The following CDK19 variants were observed in gnomAD, a reference collection of about 807,000 sequenced individuals.
The protein encoded by CDK19 is cyclin dependent kinase 19.
CDK19 carries 20 observed loss-of-function variants against 68.3 expected under a neutral mutation model. That is an observed-to-expected ratio of 0.29 (90% CI 0.21 to 0.43). The LOEUF is 0.43. Among genes scored for constraint, CDK19 ranks in the 20% least tolerant of loss-of-function variants. CDK19 has a pLI of 1.00. For synonymous variants in CDK19, 221 were observed against 222.8 expected (o/e 0.99, Z 0.07); for missense variants, 339 against 623.5 (o/e 0.54, Z 4.86).
At chr6:110,728,370 G>A (rs187755915) in intron 2 of CDK19, among the ~76,000 whole-genome samples, 58 of 151,758 alleles carry the variant, frequency 3.8e-4, no homozygotes, top group African/African-American at 1.4e-3. Context: ...CAGAAAAAAC[G>A]GAAATCTTTG....
chr6:110,714,666 C>T (rs1396183374), intron 2 of CDK19, among the ~76,000 whole-genome samples: 1 of 150,824 alleles, frequency 6.6e-6, no homozygotes, highest in Non-Finnish European at 1.5e-5. Context: ...TGACGTTGAG[C>T]ATCTTTTCAT....
At chr6:110,620,183 T>G (rs1209556570) in intron 12 of CDK19, among the ~76,000 whole-genome samples, 1 of 152,118 alleles carries the variant, frequency 6.6e-6, no homozygotes, top group Non-Finnish European at 1.5e-5. Context: ...GGAAACACAT[T>G]AGTTTGTTGA....
At chr6:110,644,164 T>C (rs1780388063) in intron 4 of CDK19, among the ~76,000 whole-genome samples, 1 of 151,736 alleles carries the variant, frequency 6.6e-6, no homozygotes, top group Non-Finnish European at 1.5e-5. Flanking sequence ...TGATGGCCCG[T>C]GCCTGTAGTC....
chr6:110,678,603 T>G (rs1771731198), intron 2 of CDK19, among the ~76,000 whole-genome samples: 1 of 152,224 alleles, frequency 6.6e-6, no homozygotes, highest in Non-Finnish European at 1.5e-5. Context: ...CTGCAAGTAC[T>G]AACACTTTCA....
rs976192340 is a variant in CDK19, at chr6:110,646,799, G to A, written c.457-8093C>T. On this transcript the variant is annotated intron_variant, in intron 4 of 12. Coordinates refer to ENST00000368911, the MANE Select transcript of CDK19 (RefSeq NM_015076.5). ...CGTCTGACTCATCGTGGGGTGGCGG[G>A]CAAACCTTGGAAGGCAGCAGTGTTT... Among the ~76,000 whole-genome samples, 7 of 152,156 alleles carry A rather than the reference G, an allele frequency of 4.6e-5. No homozygotes were observed. The South Asian group carries it at 8.3e-4, about 18-fold the overall frequency.
At chr6:110,722,358 T>C (rs1775962564) in intron 2 of CDK19, 1 of 152,006 alleles carries the variant, frequency 6.6e-6, no homozygotes, top group South Asian at 2.1e-4. Flanking sequence ...CCTATACTTA[T>C]TTAAAGTAAG....
chr6:110,641,720 T>C (rs1315953879), intron 4 of CDK19, among the ~76,000 whole-genome samples: 1 of 150,140 alleles, frequency 6.7e-6, no homozygotes, highest in African/African-American at 2.5e-5. Context: ...ATGAAAACTA[T>C]CAATATAGAA....
rs199946655 is a variant in CDK19 at position 110,715,381 on chromosome 6, G to A, written c.204+30745C>T. ...TTCTGAACACTCCTATATTTAAGGC[G>A]CTATATGGGGCTTTGTTTAAATATT... On this transcript the variant is annotated intron_variant, in intron 2 of 12. Transcript: ENST00000368911. Among the ~76,000 whole-genome samples the A allele has an allele frequency of 3.3e-5, 5 of 152,170 alleles. 1 individual carries two copies. In the East Asian group the frequency reaches 9.6e-4, roughly 29 times the overall value.
chr6:110,644,812 CA>C (rs1413649447), intron 4 of CDK19, among the ~76,000 whole-genome samples: 1 of 150,134 alleles, frequency 6.7e-6, no homozygotes, highest in Non-Finnish European at 1.5e-5. Context: ...GGAGGGGAGG[CA>C]GGGGGGAAGA....
At chr6:110,746,024 A>T in intron 2 of CDK19, 102 bp downstream of exon 2, 1 of 523,278 alleles carries the variant, frequency 1.9e-6, no homozygotes, top group Admixed American at 3.7e-5. Context: ...TAACATATGT[A>T]AAATAAACAT....
intron 1 of CDK19, chr6:110,814,714 G>A (rs1423493504): frequency 5.1e-6 from 3 of 590,118 alleles, no homozygotes; most frequent in East Asian, 3.8e-5. Context: ...CTCCTCCACC[G>A]CGGTCCCAAC....
intron 2 of CDK19, among the ~76,000 whole-genome samples, chr6:110,688,247 A>G (rs578014213): frequency 3.9e-4 from 59 of 152,138 alleles, no homozygotes; most frequent in Non-Finnish European, 3.4e-4. Flanking sequence ...TTAGCCAGGC[A>G]TGAATCACCT....
intron 1 of CDK19, among the ~76,000 whole-genome samples, chr6:110,768,096 C>A (rs1347246286): frequency 6.6e-6 from 1 of 152,088 alleles, no homozygotes; most frequent in Non-Finnish European, 1.5e-5. Flanking sequence ...AAGATCTGAA[C>A]AGACACCTCA....
chr6:110,695,342 G>A (rs535784434), intron 2 of CDK19, among the ~76,000 whole-genome samples: 2 of 152,146 alleles, frequency 1.3e-5, no homozygotes, highest in South Asian at 2.1e-4. Context: ...AAACCTCTGG[G>A]ATACAGAAAA....
chr6:110,731,120 GAAAAGAAAAGAAAAGAA>G (rs892642410), intron 2 of CDK19, among the ~76,000 whole-genome samples: 17 of 106,748 alleles, frequency 1.6e-4, no homozygotes, highest in East Asian at 8.4e-4. Context: ...GAAAGGAAAA[GAAAAGAAAAGAAAAGAA>G]AAAAGAAAAG....
intron 4 of CDK19, among the ~76,000 whole-genome samples, chr6:110,648,229 G>T (rs1780731840): frequency 6.6e-6 from 1 of 152,202 alleles, no homozygotes; most frequent in Admixed American, 6.5e-5. Flanking sequence ...ATAATTAAAG[G>T]TATATAGATT....
chr6:110,740,153 T>A (rs895079426), intron 2 of CDK19, among the ~76,000 whole-genome samples: 1 of 152,150 alleles, frequency 6.6e-6, no homozygotes, highest in Non-Finnish European at 1.5e-5. Flanking sequence ...AGTGTTGACA[T>A]AACAGGTACT....
At chr6:110,755,824 T>C (rs556671279) in intron 1 of CDK19, among the ~76,000 whole-genome samples, 4 of 152,252 alleles carry the variant, frequency 2.6e-5, no homozygotes, top group African/African-American at 7.2e-5. Context: ...GCAGATAGTA[T>C]GCAGGGTAGA....
intron 4 of CDK19, among the ~76,000 whole-genome samples, chr6:110,664,015 A>G (rs1781769358): frequency 6.9e-6 from 1 of 145,926 alleles, no homozygotes; most frequent in Non-Finnish European, 1.5e-5. Flanking sequence ...CTAGTGGGGG[A>G]AAAAATCATT....
Sources: gnomAD v4.1 joint callset for allele counts (sites outside exome capture counted in the v4.1 genomes callset) on GRCh38, gnomAD v4.1.1 for gene constraint, MANE v1.5 for transcripts, NCBI Gene and HGNC (gene_info 2026-07-23, HGNC 2026-07-21) for gene names.